MGMT: variants seen among roughly 807,000 people sequenced by gnomAD.
MGMT encodes the protein methylated-DNA--protein-cysteine methyltransferase.
MGMT carries 14 observed loss-of-function variants against 15.9 expected under a neutral mutation model. That is an observed-to-expected ratio of 0.88 (90% confidence interval 0.58 to 1.37). The LOEUF (loss-of-function observed/expected upper bound fraction) is 1.37, where lower values mean the gene tolerates loss of function less well. Ranked by LOEUF, MGMT falls within the 40% of genes most tolerant of loss-of-function variation. The probability of loss-of-function intolerance (pLI) is 0.00; values close to 1 mark genes in which losing one functional copy is unlikely to be tolerated. For missense variants in MGMT, 282 were observed against 268.1 expected, an observed-to-expected ratio of 1.05 and a Z score of -0.36; for synonymous variants, 130 against 118.2, an observed-to-expected ratio of 1.10 and a Z score of -0.65.
At chr10:129,698,287 G>C (rs4750765) in intron 2 of MGMT, among the ~76,000 whole-genome samples, 1 of 151,974 alleles carries the variant, frequency 6.6e-6, no homozygotes, top group South Asian at 2.1e-4. Context: ...CGGTTGACCA[G>C]ATGCCCCATT....
chr10:129,756,195 G>A (rs1848803986), intron 3 of MGMT, among the ~76,000 whole-genome samples: 1 of 152,190 alleles, frequency 6.6e-6, no homozygotes, highest in Admixed American at 6.5e-5. Context: ...TGCCCAAGCC[G>A]AAATGAAAAT....
intron 1 of MGMT, among the ~76,000 whole-genome samples, chr10:129,520,367 T>C (rs1384895248): frequency 6.6e-6 from 1 of 152,106 alleles, no homozygotes; most frequent in Non-Finnish European, 1.5e-5. Context: ...GAGTGTCCCA[T>C]TGTATGCACG....
intron 1 of MGMT, among the ~76,000 whole-genome samples, chr10:129,510,774 A>C (rs1845673004): frequency 6.6e-6 from 1 of 152,104 alleles, no homozygotes; most frequent in Non-Finnish European, 1.5e-5. Context: ...CAGATACCAG[A>C]CGCAGCCAGA....
intron 2 of MGMT, among the ~76,000 whole-genome samples, chr10:129,567,268 G>A (rs1224539519): frequency 3.3e-5 from 5 of 152,078 alleles, no homozygotes; most frequent in Non-Finnish European, 7.4e-5. Context: ...CAGCTCTAAG[G>A]GGCATTGTCT....
chr10:129,549,857 A>G (rs1480267596), intron 2 of MGMT, among the ~76,000 whole-genome samples: 2 of 152,200 alleles, frequency 1.3e-5, no homozygotes, highest in Admixed American at 6.5e-5. Context: ...AATATGTATT[A>G]TATTTTCTCT....
chr10:129,551,840 G>A (rs945733294), intron 2 of MGMT, among the ~76,000 whole-genome samples: 1 of 152,176 alleles, frequency 6.6e-6, no homozygotes, highest in Non-Finnish European at 1.5e-5. Context: ...TGCCTGGCCT[G>A]CGCTCGCCTG....
intron 2 of MGMT, among the ~76,000 whole-genome samples, chr10:129,597,619 C>T (rs1457503146): frequency 6.6e-6 from 1 of 152,206 alleles, no homozygotes; most frequent in African/African-American, 2.4e-5. Flanking sequence ...TGACTTTGCT[C>T]TTCCCCTCTG....
intron 1 of MGMT, among the ~76,000 whole-genome samples, chr10:129,497,870 AG>A: frequency 6.6e-6 from 1 of 152,322 alleles, no homozygotes; most frequent in East Asian, 1.9e-4. Flanking sequence ...AACCAGGAAG[AG>A]GGCCCTTATC....
intron 1 of MGMT, among the ~76,000 whole-genome samples, chr10:129,534,532 G>A (rs1315428389): frequency 6.6e-6 from 1 of 151,814 alleles, no homozygotes. Flanking sequence ...TTTGCGGTCC[G>A]CTGCCCGACC....
intron 2 of MGMT, among the ~76,000 whole-genome samples, chr10:129,548,600 C>T (rs951336206): frequency 3.3e-5 from 5 of 152,162 alleles, no homozygotes; most frequent in African/African-American, 1.2e-4. Context: ...ATTTTGAGAC[C>T]GTGACACCCT....
At chr10:129,726,274 C>T (rs1024696882) in intron 3 of MGMT, among the ~76,000 whole-genome samples, 4 of 152,120 alleles carry the variant, frequency 2.6e-5, no homozygotes, top group African/African-American at 7.2e-5. Flanking sequence ...AATGCAAGCT[C>T]ATAGGAAGGG....
intron 2 of MGMT, among the ~76,000 whole-genome samples, chr10:129,561,921 CCA>C (rs1198886440): frequency 1.3e-5 from 2 of 152,136 alleles, no homozygotes; most frequent in African/African-American, 4.8e-5. Flanking sequence ...GTCGTTGACT[CCA>C]GAGTCATTGT....
At chr10:129,513,446 C>T (rs1475409361) in intron 1 of MGMT, among the ~76,000 whole-genome samples, 3 of 152,286 alleles carry the variant, frequency 2.0e-5, no homozygotes, top group East Asian at 1.9e-4. Context: ...GTGTCTGGGA[C>T]GTTACCTCTG....
intron 3 of MGMT, among the ~76,000 whole-genome samples, chr10:129,756,240 C>T (rs1013364613): frequency 7.9e-5 from 12 of 152,190 alleles, no homozygotes; most frequent in Admixed American, 2.0e-4. Context: ...CTCCAAGATG[C>T]AGGTCCTCTC....
At chr10:129,549,363 C>T (rs77282203) in intron 2 of MGMT, among the ~76,000 whole-genome samples, 10 of 152,114 alleles carry the variant, frequency 6.6e-5, no homozygotes, top group Non-Finnish European at 1.0e-4. Flanking sequence ...GACATAGTAC[C>T]GTCAGCAGTA....
chr10:129,698,762 A>G (rs1848061599), intron 2 of MGMT, among the ~76,000 whole-genome samples: 1 of 152,246 alleles, frequency 6.6e-6, no homozygotes, highest in African/African-American at 2.4e-5. Context: ...GGATGCATGC[A>G]TTTAATAAAT....
chr10:129,557,175 G>A (rs1846223651), intron 2 of MGMT, among the ~76,000 whole-genome samples: 1 of 152,166 alleles, frequency 6.6e-6, no homozygotes. Context: ...CTATCAGAAA[G>A]CATGTGCTAA....
At chr10:129,725,755 A>G (rs1223471466) in intron 3 of MGMT, among the ~76,000 whole-genome samples, 1 of 152,162 alleles carries the variant, frequency 6.6e-6, no homozygotes, top group Non-Finnish European at 1.5e-5. Context: ...TCACACATCC[A>G]CGTAACTCTT....
At chr10:129,756,966 C>A (rs547275522) in intron 3 of MGMT, among the ~76,000 whole-genome samples, 1 of 152,344 alleles carries the variant, frequency 6.6e-6, no homozygotes, top group African/African-American at 2.4e-5. Flanking sequence ...GGGTGTCATT[C>A]AGCCATGTGA....
Sources: gnomAD v4.1 joint callset for allele counts (sites outside exome capture counted in the v4.1 genomes callset) on GRCh38, gnomAD v4.1.1 for gene constraint, MANE v1.5 for transcripts, NCBI Gene and HGNC (gene_info 2026-07-23, HGNC 2026-07-21) for gene names.